Variants in PAPSS2 observed in about 807,000 individuals in gnomAD.
PAPSS2 encodes the protein 3'-phosphoadenosine 5'-phosphosulfate synthase 2.
PAPSS2 carries 61 observed loss-of-function variants against 66.5 expected under a neutral mutation model. The ratio of observed to expected loss-of-function variants is 0.92; its 90% CI spans 0.75 to 1.14. The LOEUF (loss-of-function observed/expected upper bound fraction) is 1.14. PAPSS2 is among the 50% of genes most tolerant of loss of function. The pLI is 0.00. For missense variants in PAPSS2, 708 were observed against 789.6 expected, an observed-to-expected ratio of 0.90 and a Z score of 1.24; for synonymous variants, 289 against 287.5, an observed-to-expected ratio of 1.01 and a Z score of -0.05.
chr10:87,705,722 T>A (rs2131927447), intron 1 of PAPSS2, among the ~76,000 whole-genome samples: 1 of 152,048 alleles, frequency 6.6e-6, no homozygotes, highest in South Asian at 2.1e-4. Context: ...AATATTGGGT[T>A]TTCTTTCTTT....
chr10:87,743,201 G>A (rs1380218946), intron 10 of PAPSS2, among the ~76,000 whole-genome samples, 172 bp from the exon 11 acceptor site: 13 of 149,034 alleles, frequency 8.7e-5, no homozygotes, highest in Admixed American at 5.4e-4. Context: ...ACCTGAGATC[G>A]CTGACTGCAC....
chr10:87,678,588 C>T (rs956968747), intron 1 of PAPSS2, among the ~76,000 whole-genome samples: 4 of 110,556 alleles, frequency 3.6e-5, no homozygotes, highest in South Asian at 3.0e-4. Context: ...AACCCAGCAG[C>T]GTAAAAAAAA....
chr10:87,681,472 GT>G lies in PAPSS2; in HGVS notation c.27+21465del, dbSNP rs1853020558. ...CTACAAGAATTTGAAGAGGTTTTAA[GT>G]GAGAAAGTGAAATGGGCTAAGTCAA... On this transcript the variant is annotated intron_variant, in intron 1 of 12. Transcript: ENST00000456849. Among the ~76,000 whole-genome samples, 8 of 152,314 alleles carry G rather than the reference GT, an allele frequency of 5.3e-5. No homozygotes were observed. In the South Asian group the frequency reaches 1.7e-3, roughly 32 times the overall value.
At chr10:87,709,564 G>A (rs1189048066) in intron 2 of PAPSS2, among the ~76,000 whole-genome samples, 1 of 152,092 alleles carries the variant, frequency 6.6e-6, no homozygotes, top group East Asian at 1.9e-4. Flanking sequence ...TCTCCTCTTT[G>A]GCAGGAAAGG....
intron 3 of PAPSS2, among the ~76,000 whole-genome samples, chr10:87,713,566 A>G (rs1853494915): frequency 6.6e-6 from 1 of 152,170 alleles, no homozygotes; most frequent in South Asian, 2.1e-4. Flanking sequence ...AATTATAAGG[A>G]ACATTTGGTG....
At position 87,662,880 on chromosome 10, in the gene PAPSS2, C is replaced by CT. The variant is rs796467803; in HGVS notation, c.27+2883dup. 1.5e-3 allele frequency among the ~76,000 whole-genome samples: 221 copies of CT among 146,526 alleles called. 1 individual carries two copies. Among genetic ancestry groups the CT allele is most frequent in the Admixed American group, 2.6e-3 (38 of 14,610 alleles). Reference sequence around the variant, plus strand: ...TTTTCCTTATTTATTTTCTTTCTTTCTTTTTTTTTTTGAGACAGAGTCTCA... The same window carrying CT: ...TTTTCCTTATTTATTTTCTTTCTTTCTTTTTTTTTTTTGAGACAGAGTCTCA... On this transcript the variant is annotated intron_variant, in intron 1 of 12. Coordinates refer to ENST00000456849, the MANE Select transcript of PAPSS2 (RefSeq NM_001015880.2).
intron 1 of PAPSS2, among the ~76,000 whole-genome samples, chr10:87,695,394 A>G (rs967279345): frequency 2.6e-5 from 4 of 152,234 alleles, no homozygotes; most frequent in Admixed American, 1.3e-4. Flanking sequence ...ACAAGCGAAT[A>G]TAAAGGGCAA....
Position 87,746,077 on chromosome 10 carries a change from T to C in PAPSS2, c.*107T>C, listed in dbSNP as rs1010197303. On this transcript the variant is annotated 3_prime_UTR_variant, in exon 13 of 13. Transcript: ENST00000456849. ...GCTTCTCAATGATGCATTTTAATCT[T>C]TTATAATGAAGTAAAAGTTGTGTCT... 9.5e-7 allele frequency: 1 copy of C among 1,048,720 alleles called. No individual in the cohort carries two copies. Among genetic ancestry groups the C allele is most frequent in the African/African-American group, 1.6e-5 (1 of 62,264 alleles). 65.0% of individuals were successfully genotyped at this position (1,048,720 alleles called of 1,614,324 possible).
At position 87,668,788 on chromosome 10, in the gene PAPSS2, G is replaced by A. The variant is rs117202271; in HGVS notation, c.27+8780G>A. 5.3e-5 allele frequency among the ~76,000 whole-genome samples: 8 copies of A among 152,176 alleles called. No homozygotes were observed. The East Asian group carries it at 1.4e-3, about 26-fold the overall frequency. ...GTTGATATACAGCGTTAAGAGCTGT[G>A]CCAGGATCTATGGCCATTCTTTGGC... On this transcript the variant is annotated intron_variant, in intron 1 of 12. Transcript: ENST00000456849.
intron 1 of PAPSS2, among the ~76,000 whole-genome samples, chr10:87,675,026 C>T (rs980126907): frequency 6.6e-6 from 1 of 152,196 alleles, no homozygotes; most frequent in Non-Finnish European, 1.5e-5. Flanking sequence ...TTACAAGACC[C>T]ATATCTAGGA....
intron 1 of PAPSS2, among the ~76,000 whole-genome samples, chr10:87,669,566 T>A (rs1056651226): frequency 3.3e-5 from 5 of 152,236 alleles, no homozygotes; most frequent in Admixed American, 1.3e-4. Flanking sequence ...TAAGAAGACA[T>A]CAAATAAAGC....
rs1182478310 is a variant in PAPSS2 at position 87,746,249 on chromosome 10, C to T, written c.*279C>T. 1 of 225,546 alleles carries T rather than the reference C, an allele frequency of 4.4e-6. No individual in the cohort carries two copies. The highest frequency in any genetic ancestry group is 2.4e-5 in the African/African-American group (1 of 42,452). The allele number at this position is 225,546 out of a possible 1,614,324, so 14.0% of individuals were successfully genotyped here. A position where few individuals can be genotyped will look rare whatever the true frequency, so the allele number is the denominator to read the frequency against. On this transcript the variant is annotated 3_prime_UTR_variant, in exon 13 of 13. Coordinates refer to ENST00000456849, the MANE Select transcript of PAPSS2 (RefSeq NM_001015880.2). ...GTATTTTCTACTGCACCTGAGCAGG[C>T]AGGTCCCAGATTTCTTAAGGCTTTG...
chr10:87,727,616 G>A (rs1853676620), intron 9 of PAPSS2, 127 bp downstream of exon 9: 2 of 840,390 alleles, frequency 2.4e-6, no homozygotes, highest in Non-Finnish European at 3.9e-6. Flanking sequence ...TATTTCTAAG[G>A]TAGTGTTTGC....
chr10:87,735,396 C>T (rs879728543), intron 9 of PAPSS2, among the ~76,000 whole-genome samples: 6 of 152,118 alleles, frequency 3.9e-5, no homozygotes, highest in Non-Finnish European at 7.4e-5. Context: ...CCCCCTTCAC[C>T]AATAGATAGA....
intron 9 of PAPSS2, among the ~76,000 whole-genome samples, chr10:87,729,330 T>C (rs1334128562): frequency 6.6e-6 from 1 of 152,148 alleles, no homozygotes; most frequent in Non-Finnish European, 1.5e-5. Context: ...TCATTTTGTG[T>C]CTCTGTGTCA....
chr10:87,726,635 A>T (rs1311751525), intron 8 of PAPSS2, among the ~76,000 whole-genome samples: 3 of 152,198 alleles, frequency 2.0e-5, no homozygotes, highest in African/African-American at 4.8e-5. Context: ...TTAAAAATTT[A>T]AAATTAAAGA....
chr10:87,698,582 G>A (rs1853264200), intron 1 of PAPSS2, among the ~76,000 whole-genome samples: 1 of 152,146 alleles, frequency 6.6e-6, no homozygotes, highest in Non-Finnish European at 1.5e-5. Context: ...CTTCCGAGAG[G>A]CATTGTTTGC....
At chr10:87,713,386 G>A in intron 3 of PAPSS2, 76 bp downstream of exon 3, 2 of 807,570 alleles carry the variant, frequency 2.5e-6, no homozygotes, top group South Asian at 3.1e-5. Flanking sequence ...AACTGCTAGG[G>A]GAAGGAATCG....
chr10:87,736,561 C>T (rs949222329), intron 9 of PAPSS2, among the ~76,000 whole-genome samples: 62 of 152,106 alleles, frequency 4.1e-4, no homozygotes, highest in African/African-American at 1.3e-3. Context: ...CCACCATGCC[C>T]GACCATGTTT....
Sources: gnomAD v4.1 joint callset for allele counts (sites outside exome capture counted in the v4.1 genomes callset) on GRCh38, gnomAD v4.1.1 for gene constraint, MANE v1.5 for transcripts, NCBI Gene and HGNC (gene_info 2026-07-23, HGNC 2026-07-21) for gene names.